The following GRIK3 variants were observed in gnomAD, a reference collection of about 807,000 sequenced individuals.
The protein encoded by GRIK3 is glutamate receptor ionotropic, kainate 3.
GRIK3 carries 29 observed loss-of-function variants against 102.5 expected under a neutral mutation model. That is an observed-to-expected ratio of 0.28 (90% confidence interval 0.21 to 0.39). The LOEUF (loss-of-function observed/expected upper bound fraction) is 0.39, where lower values mean the gene tolerates loss of function less well. GRIK3 is among the 10% of genes least tolerant of loss of function. The pLI is 1.00. For synonymous variants in GRIK3, 511 were observed against 504.9 expected, an observed-to-expected ratio of 1.01 and a Z score of -0.16; for missense variants, 908 against 1,252.4, an observed-to-expected ratio of 0.73 and a Z score of 4.15.
intron 1 of GRIK3, among the ~76,000 whole-genome samples, chr1:37,032,479 C>T (rs1642838724): frequency 6.8e-6 from 1 of 147,638 alleles, no homozygotes; most frequent in Admixed American, 6.6e-5. Context: ...AAGTGCTGGT[C>T]CATTACTGGG....
intron 1 of GRIK3, among the ~76,000 whole-genome samples, chr1:36,984,707 T>C (rs1642286568): frequency 6.6e-6 from 1 of 152,170 alleles, no homozygotes; most frequent in South Asian, 2.1e-4. Flanking sequence ...ACTGTCCCAA[T>C]CCCCTTTTTC....
chr1:36,817,332 C>T (rs760076649), intron 12 of GRIK3, 55 bp from the exon 13 acceptor site: 1 of 1,195,492 alleles, frequency 8.4e-7, no homozygotes, highest in Non-Finnish European at 1.2e-6. Context: ...TAGCGCTGCT[C>T]AAGTCCCCTG....
rs979096288 is a variant in GRIK3, at chr1:36,997,884, CA to C, written c.115+36109del. Among the ~76,000 whole-genome samples the C allele has an allele frequency of 3.9e-5, 6 of 152,304 alleles. No homozygotes were observed. In the East Asian group the frequency reaches 1.2e-3, roughly 29 times the overall value. On this transcript the variant is annotated intron_variant, in intron 1 of 15. Transcript: ENST00000373091. The stretch of plus-strand genomic sequence containing the variant: ...TAGGAGGAGCCAGAAGTGGCCATAC[CA>C]GGCCTAGGGAGAGCTAGAGGTGACC...
intron 10 of GRIK3, among the ~76,000 whole-genome samples, chr1:36,834,054 C>CA (rs1168482092): frequency 1.6e-4 from 25 of 152,208 alleles, no homozygotes; most frequent in African/African-American, 6.0e-4. Flanking sequence ...CCACCCAGCC[C>CA]AGAACACTTG....
intron 1 of GRIK3, among the ~76,000 whole-genome samples, chr1:36,969,170 C>A (rs1029291863): frequency 6.6e-6 from 1 of 152,198 alleles, no homozygotes; most frequent in Admixed American, 6.5e-5. Context: ...AGAGTGTCAA[C>A]AGGGGCTGAG....
At chr1:37,016,457 C>G (rs937209014) in intron 1 of GRIK3, among the ~76,000 whole-genome samples, 1 of 152,188 alleles carries the variant, frequency 6.6e-6, no homozygotes, top group African/African-American at 2.4e-5. Context: ...AGATCCCTCC[C>G]TCTGAGTTGC....
At chr1:36,954,120 G>A (rs902926534) in intron 1 of GRIK3, among the ~76,000 whole-genome samples, 3 of 152,230 alleles carry the variant, frequency 2.0e-5, no homozygotes, top group Non-Finnish European at 4.4e-5. Context: ...GGAACCAGAT[G>A]AGGGGCTGTG....
intron 1 of GRIK3, among the ~76,000 whole-genome samples, chr1:36,993,424 C>T (rs192104460): frequency 3.2e-4 from 49 of 152,260 alleles, no homozygotes; most frequent in Admixed American, 2.2e-3. Context: ...CACCCCACCC[C>T]GCCTGGATGT....
At chr1:36,887,238 A>G (rs1641047501) in intron 2 of GRIK3, among the ~76,000 whole-genome samples, 1 of 152,264 alleles carries the variant, frequency 6.6e-6, no homozygotes, top group South Asian at 2.1e-4. Context: ...CAGCATTTCT[A>G]GGAAAAAAAT....
intron 1 of GRIK3, among the ~76,000 whole-genome samples, chr1:36,908,990 A>G (rs1641315877): frequency 6.6e-6 from 1 of 152,204 alleles, no homozygotes; most frequent in Non-Finnish European, 1.5e-5. Context: ...CCTTCCACTC[A>G]CTACATTTAA....
chr1:36,886,908 T>C (rs901297489), intron 2 of GRIK3, among the ~76,000 whole-genome samples: 11 of 152,364 alleles, frequency 7.2e-5, no homozygotes, highest in African/African-American at 2.4e-4. Context: ...GGTTCACCTA[T>C]GATGTTGAGT....
rs142186904 is a variant in GRIK3 at position 36,874,304 on chromosome 1, C to T, written c.551-1935G>A. On this transcript the variant is annotated intron_variant, in intron 3 of 15. Coordinates refer to ENST00000373091, the MANE Select transcript of GRIK3 (RefSeq NM_000831.4). The stretch of plus-strand genomic sequence containing the variant: ...GATTGGTGTCCATCATCTCACTTTG[C>T]TTCGGGGACAGACATGTATGCTCGT... Among the ~76,000 whole-genome samples, 15 of 152,304 alleles carry T rather than the reference C, an allele frequency of 9.8e-5. No individual in the cohort carries two copies. In the East Asian group the frequency reaches 2.9e-3, roughly 29 times the overall value.
chr1:36,939,190 T>C (rs1425598618), intron 1 of GRIK3, among the ~76,000 whole-genome samples: 1 of 152,190 alleles, frequency 6.6e-6, no homozygotes, highest in African/African-American at 2.4e-5. Flanking sequence ...AAGTGAAACA[T>C]GAAAAGCTGA....
chr1:36,962,408 T>C (rs761229522), intron 1 of GRIK3, among the ~76,000 whole-genome samples: 5 of 151,998 alleles, frequency 3.3e-5, no homozygotes, highest in Admixed American at 6.5e-5. Flanking sequence ...CCTAGGTACA[T>C]GCATGCCCCA....
intron 1 of GRIK3, among the ~76,000 whole-genome samples, chr1:37,021,091 A>AGTGTGTGTGTGTGTGT (rs140990633): frequency 1.4e-5 from 2 of 143,932 alleles, no homozygotes; most frequent in African/African-American, 5.2e-5. Context: ...CAAATTTGCA[A>AGTGTGTGTGTGTGTGT]GTGTGTGTGT....
chr1:36,907,710 A>C (rs759466104), intron 1 of GRIK3, among the ~76,000 whole-genome samples: 1 of 152,162 alleles, frequency 6.6e-6, no homozygotes, highest in Non-Finnish European at 1.5e-5. Flanking sequence ...CCCCAAACTC[A>C]GTACAAGGGT....
chr1:36,921,932 C>T (rs1641478038), intron 1 of GRIK3, among the ~76,000 whole-genome samples: 1 of 152,120 alleles, frequency 6.6e-6, no homozygotes, highest in African/African-American at 2.4e-5. Flanking sequence ...CTCTCCTTTC[C>T]CCAGGAGTGA....
chr1:36,877,913 T>C (rs1391219536), intron 3 of GRIK3, among the ~76,000 whole-genome samples: 3 of 152,270 alleles, frequency 2.0e-5, no homozygotes, highest in Non-Finnish European at 4.4e-5. Context: ...CCTAGAATTA[T>C]GTGTGACCTC....
chr1:37,034,022 C>A lies in GRIK3; in HGVS notation c.87G>T (p.Ser29=), dbSNP rs1038741168. The A allele has an allele frequency of 6.2e-7, 1 of 1,601,474 alleles. No individual in the cohort carries two copies. Among genetic ancestry groups the A allele is most frequent in the Non-Finnish European group, 8.5e-7 (1 of 1,174,500 alleles). The change falls in exon 1 of 16, where the codon TCG becomes TCT. Residue 29 remains serine, a synonymous_variant. Coordinates refer to ENST00000373091, the MANE Select transcript of GRIK3 (RefSeq NM_000831.4). ...LLVCAFWIPD[S]RGMPHVIRIG... ...TCCGGATGACGTGGGGCATCCCGCG[C>A]GAGTCCGGGATCCAGAAGGCGCACA...
Sources: allele counts gnomAD v4.1 joint callset (sites outside exome capture counted in the v4.1 genomes callset), GRCh38; gene constraint gnomAD v4.1.1; transcripts MANE v1.5; gene names NCBI Gene and HGNC (gene_info 2026-07-23, HGNC 2026-07-21).